Variants in TSN observed in about 807,000 individuals in gnomAD.
The protein encoded by TSN is translin.
In TSN, 5 loss-of-function variants were observed where a neutral mutation model predicts 29.4. The observed-to-expected ratio is 0.17, with a 90% CI of 0.09 to 0.36. The LOEUF is 0.36. Among genes scored for constraint, TSN ranks in the 10% least tolerant of loss-of-function variants. The probability of loss-of-function intolerance (pLI) is 1.00; values close to 1 mark genes in which losing one functional copy is unlikely to be tolerated. For synonymous variants in TSN, 106 were observed against 102.2 expected, an observed-to-expected ratio of 1.04 and a Z score of -0.23; for missense variants, 159 against 272.8, an observed-to-expected ratio of 0.58 and a Z score of 2.94.
rs558968986 is a variant in TSN, at chr2:121,759,767, G to A, written c.257+961G>A. On this transcript the variant is annotated intron_variant, in intron 3 of 5. Transcript: ENST00000389682. ...AAGACGTATATATCAGCAGTAAATA[G>A]GATGAGTATTTTCAGGGGGTGGGTA... Among the ~76,000 whole-genome samples the A allele has an allele frequency of 3.3e-5, 5 of 152,270 alleles. No homozygotes were observed. The South Asian group carries it at 1.0e-3, about 32-fold the overall frequency.
intron 5 of TSN, among the ~76,000 whole-genome samples, chr2:121,763,874 G>A (rs747622815): frequency 1.3e-5 from 2 of 152,166 alleles, no homozygotes; most frequent in Non-Finnish European, 2.9e-5. Flanking sequence ...TATCTGGCTC[G>A]TTAAGAAAAA....
chr2:121,755,693 CGTTGCGATTG>C lies in TSN; in HGVS notation c.-86_-77del. The C allele has an allele frequency of 1.3e-6, 2 of 1,547,300 alleles. No individual in the cohort carries two copies. Among genetic ancestry groups the C allele is most frequent in the Non-Finnish European group, 1.8e-6 (2 of 1,132,742 alleles). On this transcript the variant is annotated 5_prime_UTR_variant, in exon 1 of 6. Coordinates refer to ENST00000389682, the MANE Select transcript of TSN (RefSeq NM_004622.3). Reference sequence around the variant, plus strand: ...GGGGGGACGCGGCGGTAGCGGCGGCCGTTGCGATTGATTGCGCTGGTTGCCTGCGGCGTCC... The same window carrying C: ...GGGGGGACGCGGCGGTAGCGGCGGCCATTGCGCTGGTTGCCTGCGGCGTCC...
At position 121,766,833 on chromosome 2, in the gene TSN, T is replaced by C. The variant is rs2106458960; in HGVS notation, c.*1466T>C. The C allele has an allele frequency of 6.6e-6, 1 of 152,364 alleles. No individual in the cohort carries two copies. The highest frequency in any genetic ancestry group is 1.5e-5 in the Non-Finnish European group (1 of 68,034). The allele number at this position is 152,364 out of a possible 1,614,324, so 9.4% of individuals were successfully genotyped here. A position where few individuals can be genotyped will look rare whatever the true frequency, so the allele number is the denominator to read the frequency against. ...TTTGGCATACCTTTCACAGCTTTTA[T>C]CAGGCCAAGTTAAAGGCTGACTACA... On this transcript the variant is annotated 3_prime_UTR_variant, in exon 6 of 6. Transcript: ENST00000389682.
chr2:121,755,934 C>T, intron 1 of TSN, 89 bp downstream of exon 1: 2 of 1,589,486 alleles, frequency 1.3e-6, no homozygotes, highest in Non-Finnish European at 1.7e-6. Flanking sequence ...CAGTCTCGGG[C>T]GGTGGGGACG....
At chr2:121,756,921 A>G (rs1305253395) in intron 1 of TSN, among the ~76,000 whole-genome samples, 2 of 152,012 alleles carry the variant, frequency 1.3e-5, no homozygotes, top group African/African-American at 2.4e-5. Context: ...AAAAAAAAAA[A>G]AAAAGAAAAA....
chr2:121,758,843 G>A, intron 3 of TSN, 37 bp downstream of exon 3: 1 of 1,386,618 alleles, frequency 7.2e-7, no homozygotes, highest in Non-Finnish European at 9.7e-7. Flanking sequence ...ATAATGTTAA[G>A]TAAAAAAAAG....
intron 2 of TSN, chr2:121,757,583 G>GAA: frequency 3.5e-6 from 2 of 576,026 alleles, no homozygotes; most frequent in South Asian, 2.2e-5. Context: ...TTCCTGTTTA[G>GAA]AAAAAAAAAG....
At position 121,764,745 on chromosome 2, in the gene TSN, G is replaced by A. The variant is rs1474403696; in HGVS notation, c.454-389G>A. ...GGTGACTGGAGTTGCAGCTTAGTAGGTGGGCTCTAGAAATGTGATCATTTG... is the reference window on the plus strand; with the variant it reads ...GGTGACTGGAGTTGCAGCTTAGTAGATGGGCTCTAGAAATGTGATCATTTG... On this transcript the variant is annotated intron_variant, in intron 5 of 5. Coordinates refer to ENST00000389682, the MANE Select transcript of TSN (RefSeq NM_004622.3). 2.6e-5 allele frequency among the ~76,000 whole-genome samples: 4 copies of A among 152,154 alleles called. No individual in the cohort carries two copies. The East Asian group carries it at 7.7e-4, about 29-fold the overall frequency.
chr2:121,755,902 C>A, intron 1 of TSN, 57 bp downstream of exon 1: 1 of 1,610,318 alleles, frequency 6.2e-7, no homozygotes, highest in Non-Finnish European at 8.5e-7. Flanking sequence ...TGGGCCACTT[C>A]GCCCGGCCCT....
intron 2 of TSN, chr2:121,757,598 GCT>G: frequency 1.9e-6 from 1 of 517,496 alleles, no homozygotes; most frequent in South Asian, 2.2e-5. Context: ...AAAAAGTGCA[GCT>G]CTCTGCCAGC....
At chr2:121,757,822 A>G (rs1402830446) in intron 2 of TSN, among the ~76,000 whole-genome samples, 1 of 150,212 alleles carries the variant, frequency 6.7e-6, no homozygotes, top group East Asian at 2.0e-4. Context: ...ACGCCCAGCT[A>G]CTTTTTTTTT....
chr2:121,755,914 C>T lies in TSN; in HGVS notation c.66+69C>T, dbSNP rs1183608471. 3.7e-6 allele frequency: 6 copies of T among 1,605,826 alleles called. No individual in the cohort carries two copies. The Admixed American group carries it at 5.0e-5, about 13-fold the overall frequency. ...AGTTGGGCCACTTCGCCCGGCCCTC[C>T]TCTGTCGCTCAGTCTCGGGCGGTGG... On this transcript the variant is annotated intron_variant, in intron 1 of 5. Coordinates refer to ENST00000389682, the MANE Select transcript of TSN (RefSeq NM_004622.3).
rs2074888286 is a variant in TSN at position 121,765,322 on chromosome 2, C to T, written c.642C>T (p.Ile214=). ...AGGAAGTGGTCTATGATCTCTCCAT[C>T]CGGGGCTTTAATAAGGAGACGGCAG... ...KVEEVVYDLS[I]RGFNKETAAA... Residue 214 remains isoleucine (I), a synonymous_variant, in exon 6 of 6, where the codon ATC becomes ATT. Coordinates refer to ENST00000389682, the MANE Select transcript of TSN (RefSeq NM_004622.3). 1.9e-6 allele frequency: 3 copies of T among 1,614,082 alleles called. No individual in the cohort carries two copies. Among genetic ancestry groups the T allele is most frequent in the African/African-American group, 1.3e-5 (1 of 74,936 alleles).
intron 5 of TSN, among the ~76,000 whole-genome samples, chr2:121,763,545 G>A (rs2074861819): frequency 6.6e-6 from 1 of 152,134 alleles, no homozygotes; most frequent in Admixed American, 6.6e-5. Flanking sequence ...CACTGTATGT[G>A]TTACAATTTA....
rs1281185384 is a variant in TSN, at chr2:121,766,059, C to CACCT, written c.*693_*696dup. ...GGGAGTAGGGCTTAGTGTTTTAAAA[C>CACCT]ACCTCTGCTTTCTGATGTTGCCTTA... On this transcript the variant is annotated 3_prime_UTR_variant, in exon 6 of 6. Transcript: ENST00000389682. 6.6e-6 allele frequency: 1 copy of CACCT among 152,238 alleles called. No individual in the cohort carries two copies. The highest frequency in any genetic ancestry group is 1.5e-5 in the Non-Finnish European group (1 of 68,058). 9.4% of individuals were successfully genotyped at this position (152,238 alleles called of 1,614,324 possible).
chr2:121,761,622 A>C, intron 4 of TSN, 98 bp downstream of exon 4: 1 of 951,256 alleles, frequency 1.1e-6, no homozygotes, highest in South Asian at 1.4e-5. Flanking sequence ...ACAAACAAGA[A>C]TTAACTAAAA....
intron 1 of TSN, chr2:121,756,323 T>A (rs955062752): frequency 4.0e-6 from 1 of 250,572 alleles, no homozygotes; most frequent in African/African-American, 2.3e-5. Flanking sequence ...CCTCTTCTAG[T>A]GCCCCAAATA....
At chr2:121,756,102 T>C (rs775992709) in intron 1 of TSN, 17 of 685,448 alleles carry the variant, frequency 2.5e-5, no homozygotes, top group Non-Finnish European at 3.2e-5. Flanking sequence ...TCAGCACTTG[T>C]TTATATCGAA....
Position 121,767,517 on chromosome 2 carries a change from C to G in TSN, c.*2150C>G, listed in dbSNP as rs80027060. Reference sequence around the variant, plus strand: ...CATTTAACTGAAGATGTTGAGAAACCTGGGCTCTGGTTTTAGTATACCGGA... The same window carrying G: ...CATTTAACTGAAGATGTTGAGAAACGTGGGCTCTGGTTTTAGTATACCGGA... On this transcript the variant is annotated 3_prime_UTR_variant, in exon 6 of 6. Transcript: ENST00000389682. 42 of 152,006 alleles carry G rather than the reference C, an allele frequency of 2.8e-4. No homozygotes were observed. The East Asian group carries it at 8.2e-3, about 30-fold the overall frequency. 9.4% of individuals were successfully genotyped at this position (152,006 alleles called of 1,614,324 possible). A position where few individuals can be genotyped will look rare whatever the true frequency, so the allele number is the denominator to read the frequency against.
Sources: allele counts gnomAD v4.1 joint callset (sites outside exome capture counted in the v4.1 genomes callset), GRCh38; gene constraint gnomAD v4.1.1; transcripts MANE v1.5; gene names NCBI Gene and HGNC (gene_info 2026-07-23, HGNC 2026-07-21).